Variants in ARHGAP23 observed in about 807,000 individuals in gnomAD.
ARHGAP23 encodes the protein rho GTPase-activating protein 23.
Under a neutral mutation model 136.3 loss-of-function variants are expected in ARHGAP23, and 34 were observed. That is an observed-to-expected ratio of 0.25 (90% CI 0.19 to 0.33). ARHGAP23 has a LOEUF of 0.33. ARHGAP23 is among the 10% of genes least tolerant of loss of function. The probability of loss-of-function intolerance (pLI) is 1.00; values close to 1 mark genes in which losing one functional copy is unlikely to be tolerated. For synonymous variants in ARHGAP23, 832 were observed against 920.5 expected (o/e 0.90, Z 1.74); for missense variants, 1,808 against 2,139.0 (o/e 0.85, Z 3.05).
At position 38,460,258 on chromosome 17, in the gene ARHGAP23, C is replaced by T. The variant is rs2039426274; in HGVS notation, c.226-647C>T. On this transcript the variant is annotated intron_variant, in intron 2 of 23. Transcript: ENST00000622683. ...CCTCTCCCCTAACTCTCATTTTCAC[C>T]TCCACTCTCTCTCACAGAAGAACTT... 2.0e-5 allele frequency among the ~76,000 whole-genome samples: 3 copies of T among 152,170 alleles called. No homozygotes were observed. In the South Asian group the frequency reaches 6.2e-4, roughly 32 times the overall value.
rs187051585 is a variant in ARHGAP23 at position 38,493,291 on chromosome 17, C to A, written c.3276+1759C>A. Among the ~76,000 whole-genome samples the A allele has an allele frequency of 1.8e-4, 27 of 151,704 alleles. No individual in the cohort carries two copies. The East Asian group carries it at 4.8e-3, about 27-fold the overall frequency. On this transcript the variant is annotated intron_variant, in intron 20 of 23. Transcript: ENST00000622683. The stretch of plus-strand genomic sequence containing the variant: ...GATACGGCCCACTTCCAGGCTCAGG[C>A]GATCCTGCCATCTCAGCCTCCTGAG...
Position 38,428,470 on chromosome 17 carries a change from C to T in ARHGAP23, c.-16C>T, listed in dbSNP as rs867578238. The T allele has an allele frequency of 4.2e-6, 6 of 1,433,520 alleles. No individual in the cohort carries two copies. Among genetic ancestry groups the T allele is most frequent in the Middle Eastern group, 2.5e-4 (1 of 4,030 alleles). 88.8% of individuals were successfully genotyped at this position (1,433,520 alleles called of 1,614,324 possible). On this transcript the variant is annotated 5_prime_UTR_variant, in exon 1 of 24. Coordinates refer to ENST00000622683, the MANE Select transcript of ARHGAP23 (RefSeq NM_001199417.2). Reference sequence around the variant, plus strand: ...CCCCAGCCGTGCCCCGGCCGCAGAGCCGCCGCTGCCACCCGATGAATGGAG... The same window carrying T: ...CCCCAGCCGTGCCCCGGCCGCAGAGTCGCCGCTGCCACCCGATGAATGGAG...
upstream of ARHGAP23, among the ~76,000 whole-genome samples, chr17:38,426,572 A>AAAAAAAAAAAAAAAAAAAAAAAG (rs1567767218): frequency 6.7e-6 from 1 of 149,280 alleles, no homozygotes; most frequent in African/African-American, 2.5e-5. Flanking sequence ...AAAAAAAAAA[A>AAAAAAAAAAAAAAAAAAAAAAAG]TCCAGGCAGT....
At chr17:38,495,020 A>G (rs8073040) in intron 20 of ARHGAP23, among the ~76,000 whole-genome samples, 102,898 of 152,006 alleles carry the variant, frequency 0.68, 36,248 homozygotes, top group East Asian at 0.91. Context: ...TTTGAATAGC[A>G]GTAGCTGACA....
chr17:38,510,531 C>T lies in ARHGAP23; in HGVS notation c.4035C>T (p.Gly1345=). The stretch of plus-strand genomic sequence containing the variant: ...GTCCCCGCGCCCCGGAGCCGCCCGG[C>T]TCGGCGTCGTCCAGCAGCCAGGAGT... ...RGGPRAPEPP[G]SASSSSQESL... is the part of the protein sequence containing the mutation. Residue 1345 remains glycine, a synonymous_variant, in exon 24 of 24, where the codon GGC becomes GGT. Coordinates refer to ENST00000622683, the MANE Select transcript of ARHGAP23 (RefSeq NM_001199417.2). The surrounding 1 kb of genome is among the most constrained non-coding windows in gnomAD (Gnocchi z 4.6). The T allele has an allele frequency of 8.6e-7, 1 of 1,162,706 alleles. No individual in the cohort carries two copies. The highest frequency in any genetic ancestry group is 1.1e-6 in the Non-Finnish European group (1 of 946,644). 72.0% of individuals were successfully genotyped at this position (1,162,706 alleles called of 1,614,324 possible). A position where few individuals can be genotyped will look rare whatever the true frequency, so the allele number is the denominator to read the frequency against.
At chr17:38,443,250 C>G (rs932909234) in intron 1 of ARHGAP23, among the ~76,000 whole-genome samples, 1 of 152,224 alleles carries the variant, frequency 6.6e-6, no homozygotes, top group African/African-American at 2.4e-5. Context: ...GCCTAGCACC[C>G]AACCCGGTGG....
intron 9 of ARHGAP23, 60 bp downstream of exon 9, chr17:38,469,695 G>T (rs1246575213): frequency 5.2e-6 from 8 of 1,527,162 alleles, no homozygotes; most frequent in Non-Finnish European, 7.1e-6. Flanking sequence ...AGCTGCTCTG[G>T]GGCAGGGCTC....
At chr17:38,465,199 C>T (rs1406569579) in intron 6 of ARHGAP23, among the ~76,000 whole-genome samples, 1 of 150,714 alleles carries the variant, frequency 6.6e-6, no homozygotes, top group Non-Finnish European at 1.5e-5. Context: ...TGTGTGCCGG[C>T]CCTGTGCCAG....
chr17:38,487,455 A>G (rs2040184584), intron 17 of ARHGAP23, among the ~76,000 whole-genome samples: 1 of 152,154 alleles, frequency 6.6e-6, no homozygotes, highest in Admixed American at 6.6e-5. Flanking sequence ...GTCCCGGTGA[A>G]CCTTTCTGAG....
intron 16 of ARHGAP23, among the ~76,000 whole-genome samples, chr17:38,485,168 T>C (rs1445135871): frequency 2.0e-5 from 3 of 152,160 alleles, no homozygotes; most frequent in African/African-American, 7.2e-5. Flanking sequence ...CAATTATTTG[T>C]TGTGTGGGGT....
At chr17:38,500,764 A>G (rs1243380756) in intron 23 of ARHGAP23, 136 bp downstream of exon 23, 1 of 812,730 alleles carries the variant, frequency 1.2e-6, no homozygotes. Context: ...GGCAGGAGGT[A>G]CCGAGTGCCC....
intron 1 of ARHGAP23, chr17:38,452,048 C>G (rs184883010): frequency 6.6e-6 from 1 of 152,570 alleles, no homozygotes; most frequent in African/African-American, 2.4e-5. Flanking sequence ...AACCAGCTCC[C>G]TGGCTGACAC....
At chr17:38,495,653 G>T (rs1328023199) in intron 20 of ARHGAP23, among the ~76,000 whole-genome samples, 2 of 152,172 alleles carry the variant, frequency 1.3e-5, no homozygotes, top group African/African-American at 4.8e-5. Flanking sequence ...GATAATAACT[G>T]AGGCTCATGG....
chr17:38,475,981 A>T (rs1300849023), intron 11 of ARHGAP23, among the ~76,000 whole-genome samples: 1 of 152,220 alleles, frequency 6.6e-6, no homozygotes, highest in Non-Finnish European at 1.5e-5. Context: ...CAAAAGGAAC[A>T]GCAAGCGGAG....
chr17:38,422,661 G>A (rs1019623897), intron 1 of ARHGAP23, among the ~76,000 whole-genome samples: 4 of 152,146 alleles, frequency 2.6e-5, no homozygotes, highest in Non-Finnish European at 5.9e-5. Context: ...CGCTCCCGCC[G>A]TAGCCAGCTG....
chr17:38,458,394 C>G, intron 2 of ARHGAP23, 131 bp downstream of exon 2: 1 of 1,268,812 alleles, frequency 7.9e-7, no homozygotes, highest in African/African-American at 1.5e-5. Flanking sequence ...CGGCCTGACT[C>G]CCTTCTGCTG....
In ARHGAP23 at chr17:38,501,299, T is replaced by A. The variant is rs201405944; in HGVS notation, c.3447+671T>A. On this transcript the variant is annotated intron_variant, in intron 23 of 23. Transcript: ENST00000622683. ...ACAGACCCCTAAGTTATTTTTTATT[T>A]TTTATTTATTTATTTTTTTTGAGAC... 1.4e-4 allele frequency among the ~76,000 whole-genome samples: 20 copies of A among 147,364 alleles called. No individual in the cohort carries two copies. The East Asian group carries it at 3.8e-3, about 28-fold the overall frequency.
intron 17 of ARHGAP23, among the ~76,000 whole-genome samples, chr17:38,487,495 G>T (rs148397440): frequency 2.6e-4 from 39 of 152,258 alleles, no homozygotes; most frequent in Admixed American, 1.2e-3. Context: ...TGAGAAAGAG[G>T]CCCTGGTTTA....
At chr17:38,476,489 G>A (rs1235116658) in intron 11 of ARHGAP23, among the ~76,000 whole-genome samples, 1 of 152,170 alleles carries the variant, frequency 6.6e-6, no homozygotes, top group Admixed American at 6.5e-5. Flanking sequence ...GAAATCACAT[G>A]GCCTGGCAAG....
Sources: gnomAD v4.1 joint callset for allele counts (sites outside exome capture counted in the v4.1 genomes callset) on GRCh38, gnomAD v4.1.1 for gene constraint, Gnocchi (gnomAD v3.1) non-coding constraint, MANE v1.5 for transcripts, NCBI Gene and HGNC (gene_info 2026-07-23, HGNC 2026-07-21) for gene names.